The following HS3ST5 variants were observed in gnomAD, a reference collection of about 807,000 sequenced individuals.
HS3ST5 encodes the protein heparan sulfate-glucosamine 3-sulfotransferase 5.
A neutral mutation model predicts 25.4 loss-of-function variants in HS3ST5; 10 were observed. The observed-to-expected ratio is 0.39, with a 90% CI of 0.24 to 0.67. The LOEUF is 0.67. Among genes scored for constraint, HS3ST5 ranks in the 30% least tolerant of loss-of-function variants. The probability of loss-of-function intolerance (pLI) is 0.44; values close to 1 mark genes in which losing one functional copy is unlikely to be tolerated. For missense variants in HS3ST5, 324 were observed against 420.7 expected (o/e 0.77, Z 2.01); for synonymous variants, 170 against 162.4 (o/e 1.05, Z -0.36).
At position 114,056,945 on chromosome 6, in the gene HS3ST5, C is replaced by A. The variant is rs1017561019; in HGVS notation, c.*312G>T. ...TTTTGGCTTAAATCTATGAAAATGG[C>A]GGGTGACAAATTCTGAATCAAAGGA... is the stretch of plus-strand genomic sequence containing the variant. On this transcript the variant is annotated 3_prime_UTR_variant, in exon 5 of 5. Transcript: ENST00000312719. 3 of 240,988 alleles carry A rather than the reference C, an allele frequency of 1.2e-5. No homozygotes were observed. The highest frequency in any genetic ancestry group is 2.2e-5 in the African/African-American group (1 of 44,792). 14.9% of individuals were successfully genotyped at this position (240,988 alleles called of 1,614,324 possible).
Position 114,212,519 on chromosome 6 carries a change from A to T in HS3ST5, c.-145+16066T>A, listed in dbSNP as rs940715714. Among the ~76,000 whole-genome samples, 3 of 152,148 alleles carry T rather than the reference A, an allele frequency of 2.0e-5. No homozygotes were observed. In the East Asian group the frequency reaches 5.8e-4, roughly 29 times the overall value. On this transcript the variant is annotated intron_variant, in intron 2 of 4. Transcript: ENST00000312719. ...CAGTTGCAGTTTACTATTCCCTACT[A>T]AAAAAAGCATTAATTAGACCATAAA... is the stretch of plus-strand genomic sequence containing the variant.
intron 3 of HS3ST5, among the ~76,000 whole-genome samples, chr6:114,166,662 TGA>T (rs1779226193): frequency 6.6e-6 from 1 of 152,126 alleles, no homozygotes; most frequent in Admixed American, 6.5e-5. Context: ...AACCTAGGAA[TGA>T]GAGGTTAAAT....
intron 2 of HS3ST5, among the ~76,000 whole-genome samples, chr6:114,215,132 C>G (rs574596324): frequency 6.6e-6 from 1 of 151,898 alleles, no homozygotes; most frequent in Non-Finnish European, 1.5e-5. Context: ...GGTGAAACCC[C>G]GTCTCTACTA....
At chr6:114,205,289 A>C (rs1781221479) in intron 2 of HS3ST5, among the ~76,000 whole-genome samples, 1 of 152,088 alleles carries the variant, frequency 6.6e-6, no homozygotes, top group Non-Finnish European at 1.5e-5. Context: ...AGGTATAATT[A>C]TTTGCTAGAA....
chr6:114,192,733 T>C (rs761392182), intron 2 of HS3ST5, among the ~76,000 whole-genome samples: 2 of 152,174 alleles, frequency 1.3e-5, no homozygotes, highest in Non-Finnish European at 2.9e-5. Flanking sequence ...CTCAGAACTA[T>C]ACAATTTGGG....
rs114415569 is a variant in HS3ST5, at chr6:114,085,700, T to C, written c.-32-22823A>G. Among the ~76,000 whole-genome samples, 298 of 152,280 alleles carry C rather than the reference T, an allele frequency of 2.0e-3. 1 individual carries two copies. The highest frequency in any genetic ancestry group is 6.7e-3 in the African/African-American group (280 of 41,534). ...TGATAACTTGCTTACCAATTGGGTG[T>C]TCTGATTTTATTTTATGTTAGGGAT... On this transcript the variant is annotated intron_variant, in intron 3 of 4. Coordinates refer to ENST00000312719, the MANE Select transcript of HS3ST5 (RefSeq NM_153612.4).
At chr6:114,237,676 A>G (rs1771921774) in intron 1 of HS3ST5, among the ~76,000 whole-genome samples, 2 of 152,212 alleles carry the variant, frequency 1.3e-5, no homozygotes, top group Non-Finnish European at 2.9e-5. Context: ...TTCAGTGCCT[A>G]AGAGTGTATG....
chr6:114,218,128 G>T (rs1378142862), intron 2 of HS3ST5, among the ~76,000 whole-genome samples: 1 of 152,116 alleles, frequency 6.6e-6, no homozygotes, highest in Non-Finnish European at 1.5e-5. Flanking sequence ...CTCCTGAGTA[G>T]CTGGGATTAC....
chr6:114,077,892 G>C (rs1056720524), intron 3 of HS3ST5, among the ~76,000 whole-genome samples: 1 of 152,046 alleles, frequency 6.6e-6, no homozygotes, highest in South Asian at 2.1e-4. Context: ...TTTCATTGTA[G>C]TTTTCATTAT....
intron 3 of HS3ST5, among the ~76,000 whole-genome samples, chr6:114,139,260 T>G (rs1297875658): frequency 6.6e-6 from 1 of 152,140 alleles, no homozygotes; most frequent in Non-Finnish European, 1.5e-5. Flanking sequence ...CTGGGATGAT[T>G]AACATCATAG....
chr6:114,238,120 G>A (rs539779242), intron 1 of HS3ST5, among the ~76,000 whole-genome samples: 1 of 152,340 alleles, frequency 6.6e-6, no homozygotes, highest in East Asian at 1.9e-4. Flanking sequence ...TCTGCTTAAA[G>A]GAGACAAAGA....
chr6:114,169,986 A>C (rs1779400646), intron 2 of HS3ST5, among the ~76,000 whole-genome samples: 1 of 152,200 alleles, frequency 6.6e-6, no homozygotes, highest in Admixed American at 6.5e-5. Context: ...GGAAAGCAAC[A>C]GATAAGGGAA....
intron 1 of HS3ST5, chr6:114,231,279 A>C (rs1159689584): frequency 6.6e-6 from 1 of 152,050 alleles, no homozygotes; most frequent in African/African-American, 2.4e-5. Context: ...TAAGCCAAAA[A>C]CCAAGATCTT....
At chr6:114,196,654 C>CAAA (rs1231145859) in intron 2 of HS3ST5, among the ~76,000 whole-genome samples, 1 of 79,212 alleles carries the variant, frequency 1.3e-5, no homozygotes, top group Admixed American at 1.4e-4. Flanking sequence ...TGGAGCTCCA[C>CAAA]AAAAAAAAAA....
At chr6:114,298,274 A>T (rs1774915016) in intron 1 of HS3ST5, among the ~76,000 whole-genome samples, 1 of 152,216 alleles carries the variant, frequency 6.6e-6, no homozygotes, top group African/African-American at 2.4e-5. Context: ...ATTCTAGGTT[A>T]TATTTCATTT....
chr6:114,088,467 T>C (rs975737339), intron 3 of HS3ST5, among the ~76,000 whole-genome samples: 2 of 151,834 alleles, frequency 1.3e-5, no homozygotes, highest in African/African-American at 2.4e-5. Flanking sequence ...CTTCACTGAC[T>C]GGAAGAAACC....
At position 114,062,813 on chromosome 6, in the gene HS3ST5, C is replaced by T. The variant is rs759818823; in HGVS notation, c.33G>A (p.Gln11=). The change falls in exon 4 of 5, where the codon CAG becomes CAA. Residue 11 remains glutamine, a synonymous_variant. Coordinates refer to ENST00000312719, the MANE Select transcript of HS3ST5 (RefSeq NM_153612.4). ...CAAGGCTTCCCAGCACCAGGAGCTT[C>T]TGTCTCAGCCACGCCTGCTGTTTGA... MLFKQQAWLR[Q]KLLVLGSLAV... is the part of the protein sequence containing the mutation. 9 of 1,613,950 alleles carry T rather than the reference C, an allele frequency of 5.6e-6. No individual in the cohort carries two copies. In the South Asian group the frequency reaches 9.9e-5, roughly 18 times the overall value.
intron 1 of HS3ST5, among the ~76,000 whole-genome samples, chr6:114,236,337 TA>T (rs1771852956): frequency 6.6e-6 from 1 of 152,226 alleles, no homozygotes; most frequent in African/African-American, 2.4e-5. Flanking sequence ...TCCAATTAGG[TA>T]AATATATCGT....
intron 3 of HS3ST5, among the ~76,000 whole-genome samples, chr6:114,079,298 C>G (rs35877583): frequency 0.34 from 51,131 of 152,086 alleles, 8,769 homozygotes; most frequent in Non-Finnish European, 0.37. Flanking sequence ...TGGAGTGTGT[C>G]CTCTCAAAAT....
Sources: gnomAD v4.1 joint callset for allele counts (sites outside exome capture counted in the v4.1 genomes callset) on GRCh38, gnomAD v4.1.1 for gene constraint, MANE v1.5 for transcripts, NCBI Gene and HGNC (gene_info 2026-07-23, HGNC 2026-07-21) for gene names.